The following RLF variants were observed in gnomAD, a reference collection of about 807,000 sequenced individuals.
RLF encodes zinc finger protein Rlf.
A neutral mutation model predicts 162.9 loss-of-function variants in RLF; 7 were observed. The observed-to-expected ratio is 0.04, with a 90% CI of 0.02 to 0.08. RLF has a LOEUF of 0.08. Among genes scored for constraint, RLF ranks in the 10% least tolerant of loss-of-function variants. The pLI is 1.00. For synonymous variants in RLF, 782 were observed against 791.5 expected (o/e 0.99, Z 0.20); for missense variants, 1,664 against 2,244.7 (o/e 0.74, Z 5.23).
intron 5 of RLF, among the ~76,000 whole-genome samples, chr1:40,219,395 G>A (rs1270667744): frequency 6.6e-6 from 1 of 151,914 alleles, no homozygotes; most frequent in Non-Finnish European, 1.5e-5. Flanking sequence ...TGTTTTCAAG[G>A]GATTTAGAGT....
rs1429025108 is a variant in RLF at position 40,239,924 on chromosome 1, A to T, written c.5222A>T (p.Asn1741Ile). The change falls in exon 8 of 8, where the codon AAT becomes ATT. Residue 1741 changes from asparagine to isoleucine, a missense_variant. Around this residue, in one of 15 missense-constraint regions of RLF, gnomAD observed 327 missense variants for 342.7 expected, o/e 0.95. Transcript: ENST00000372771. ...HSSGQENTVK[N>I]PTHVPKENFR... The stretch of plus-strand genomic sequence containing the variant: ...TCAGGGCAAGAAAACACTGTAAAAA[A>T]TCCAACCCATGTCCCAAAAGAGAAT... 3.7e-6 allele frequency: 6 copies of T among 1,613,654 alleles called. No homozygotes were observed. The South Asian group carries it at 5.5e-5, about 15-fold the overall frequency.
chr1:40,188,173 A>G (rs576519536), intron 1 of RLF, among the ~76,000 whole-genome samples: 3 of 152,322 alleles, frequency 2.0e-5, no homozygotes, highest in Admixed American at 1.3e-4. Context: ...CAAGAGAGAA[A>G]ACAACTCCAT....
chr1:40,206,919 C>T (rs1642803097), intron 5 of RLF, among the ~76,000 whole-genome samples: 1 of 152,196 alleles, frequency 6.6e-6, no homozygotes, highest in South Asian at 2.1e-4. Context: ...AGGCCTTCCT[C>T]GCTGTCTCAT....
chr1:40,232,188 A>G (rs931522864), intron 7 of RLF, among the ~76,000 whole-genome samples: 3 of 151,400 alleles, frequency 2.0e-5, no homozygotes, highest in African/African-American at 7.3e-5. Flanking sequence ...AGCCTAGGTG[A>G]CAGAGTGAGA....
intron 4 of RLF, among the ~76,000 whole-genome samples, chr1:40,198,192 G>C (rs1372988657): frequency 1.3e-5 from 2 of 149,420 alleles, no homozygotes; most frequent in Non-Finnish European, 3.0e-5. Context: ...TAGTAGAGAT[G>C]GGGTTTCTCC....
intron 3 of RLF, among the ~76,000 whole-genome samples, chr1:40,191,074 AAG>A (rs1479282367): frequency 3.3e-5 from 5 of 152,180 alleles, no homozygotes; most frequent in Non-Finnish European, 7.3e-5. Context: ...ATCAACAAAA[AAG>A]TTTCATTATT....
chr1:40,228,581 C>CA (rs202055225), intron 6 of RLF, among the ~76,000 whole-genome samples: 27,724 of 135,300 alleles, frequency 0.2, 2,655 homozygotes, highest in Non-Finnish European at 0.22. Flanking sequence ...GACTCCATCT[C>CA]AAAAAAAAAA....
intron 6 of RLF, among the ~76,000 whole-genome samples, chr1:40,230,795 C>T (rs1466784353): frequency 6.6e-6 from 1 of 152,126 alleles, no homozygotes. Context: ...TATTAGCTTT[C>T]CTTGCATTCA....
chr1:40,237,452 A>G lies in RLF; in HGVS notation c.2750A>G (p.Asp917Gly), dbSNP rs1478382340. The G allele has an allele frequency of 3.1e-6, 5 of 1,614,130 alleles. No homozygotes were observed. The African/African-American group carries it at 5.3e-5, about 17-fold the overall frequency. Residue 917 changes from aspartate (D) to glycine (G), a missense_variant, in exon 8 of 8, where the codon GAT becomes GGT. This residue lies in a region of RLF where 295 missense variants were observed against 317.4 expected (regional missense o/e 0.93). Coordinates refer to ENST00000372771, the MANE Select transcript of RLF (RefSeq NM_012421.4). This position sits in a 1 kb window ranked among gnomAD's most constrained non-coding sequence, Gnocchi z 4.4. ...SMNEELIDTLDHSETMQDVLL... is the reference protein window; with the variant it reads ...SMNEELIDTLGHSETMQDVLL... ...AATGAAGAGCTAATTGACACACTAG[A>G]TCACTCTGAAACTATGCAGGATGTA...
At chr1:40,204,986 T>C (rs932918029) in intron 5 of RLF, among the ~76,000 whole-genome samples, 4 of 152,238 alleles carry the variant, frequency 2.6e-5, no homozygotes, top group Non-Finnish European at 4.4e-5. Context: ...AAATTATATC[T>C]GTTCTCCTAG....
chr1:40,163,812 A>G (rs1642129063), intron 1 of RLF, among the ~76,000 whole-genome samples: 1 of 152,140 alleles, frequency 6.6e-6, no homozygotes, highest in African/African-American at 2.4e-5. Context: ...TCTCCTTATA[A>G]TGCTTTATAC....
At chr1:40,195,082 G>A (rs535550293) in intron 3 of RLF, among the ~76,000 whole-genome samples, 3 of 150,366 alleles carry the variant, frequency 2.0e-5, no homozygotes, top group East Asian at 4.1e-4. Context: ...TGGTCCACCC[G>A]TCTCAGCCTC....
chr1:40,211,601 A>G (rs562845799), intron 5 of RLF, among the ~76,000 whole-genome samples: 2 of 152,276 alleles, frequency 1.3e-5, no homozygotes, highest in Admixed American at 1.3e-4. Context: ...TCGTATCATC[A>G]TAACTAGTCA....
chr1:40,240,121 G>T lies in RLF; in HGVS notation c.5419G>T (p.Asp1807Tyr). 1 of 1,614,184 alleles carries T rather than the reference G, an allele frequency of 6.2e-7. No individual in the cohort carries two copies. Among genetic ancestry groups the T allele is most frequent in the Non-Finnish European group, 8.5e-7 (1 of 1,180,026 alleles). The change falls in exon 8 of 8, where the codon GAT becomes TAT. Residue 1807 changes from aspartate (D) to tyrosine (Y), a missense_variant. By Grantham distance (160) the Asp-to-Tyr change is radical. This residue lies in a region of RLF where 327 missense variants were observed against 342.7 expected (regional missense o/e 0.95). Coordinates refer to ENST00000372771, the MANE Select transcript of RLF (RefSeq NM_012421.4). ...TLSNSSQSSN[D>Y]LTGNVVANNM... ...AAGTAATTCTTCACAGTCCAGTAAT[G>T]ATTTAACAGGGAATGTTGTGGCAAA...
intron 4 of RLF, among the ~76,000 whole-genome samples, chr1:40,200,891 C>G (rs868500049): frequency 1.0e-4 from 11 of 109,350 alleles, no homozygotes; most frequent in Middle Eastern, 4.5e-3. Flanking sequence ...CACACACACA[C>G]ACACACACAC....
chr1:40,238,798 T>C lies in RLF; in HGVS notation c.4096T>C (p.Tyr1366His). Residue 1366 changes from tyrosine (Y) to histidine (H), a missense_variant, in exon 8 of 8, where the codon TAT (tyrosine) becomes CAT (histidine). Tyr to His is a moderately conservative substitution (Grantham distance 83). Transcript: ENST00000372771. This position sits in a 1 kb window ranked among gnomAD's most constrained non-coding sequence, Gnocchi z 5.2. ...VKCKKIFACK[Y>H]KECNKRFLCS... ...ATGTAAAAAGATATTTGCTTGCAAATATAAGGAATGTAATAAACGCTTCCT... is the reference window on the plus strand; with the variant it reads ...ATGTAAAAAGATATTTGCTTGCAAACATAAGGAATGTAATAAACGCTTCCT... The C allele has an allele frequency of 6.2e-7, 1 of 1,613,122 alleles. No homozygotes were observed. The highest frequency in any genetic ancestry group is 8.5e-7 in the Non-Finnish European group (1 of 1,179,628).
In RLF at chr1:40,185,687, G is replaced by T. The variant is rs1274137861; in HGVS notation, c.238-3368G>T. On this transcript the variant is annotated intron_variant, in intron 1 of 7. Transcript: ENST00000372771. ...AAAAAAAAAAAAAAAAATTAGCCGG[G>T]CATGGTGGCGGGTGCCTGTAGTCCC... Among the ~76,000 whole-genome samples the T allele has an allele frequency of 3.5e-5, 5 of 142,548 alleles. No individual in the cohort carries two copies. The East Asian group carries it at 8.1e-4, about 23-fold the overall frequency. The allele number at this position is 142,548 out of a possible 152,430, so 93.5% of individuals were successfully genotyped here.
chr1:40,203,906 C>T (rs1642753628), intron 5 of RLF, among the ~76,000 whole-genome samples: 2 of 152,140 alleles, frequency 1.3e-5, no homozygotes, highest in African/African-American at 4.8e-5. Flanking sequence ...CAGGATCAAT[C>T]AAGATCTATT....
chr1:40,214,999 A>G (rs1371244747), intron 5 of RLF, among the ~76,000 whole-genome samples: 1 of 151,842 alleles, frequency 6.6e-6, no homozygotes, highest in Non-Finnish European at 1.5e-5. Flanking sequence ...AAAAAGACAA[A>G]TTATAAAAAA....
Sources: allele counts gnomAD v4.1 joint callset (sites outside exome capture counted in the v4.1 genomes callset), GRCh38; gene constraint gnomAD v4.1.1; regional missense constraint gnomAD v4.1.1; non-coding constraint Gnocchi (gnomAD v3.1); transcripts MANE v1.5; gene names NCBI Gene and HGNC (gene_info 2026-07-23, HGNC 2026-07-21).